ADAMTS2: variants seen among roughly 807,000 people sequenced by gnomAD.
ADAMTS2 encodes ADAM metallopeptidase with thrombospondin type 1 motif 2, also known as A disintegrin and metalloproteinase with thrombospondin motifs 2.
Under a neutral mutation model 123.0 loss-of-function variants are expected in ADAMTS2, and 50 were observed. The ratio of observed to expected loss-of-function variants is 0.41; its 90% CI spans 0.32 to 0.51. The LOEUF (loss-of-function observed/expected upper bound fraction) is 0.51, where lower values mean the gene tolerates loss of function less well. Among genes scored for constraint, ADAMTS2 ranks in the 20% least tolerant of loss-of-function variants. ADAMTS2 has a pLI of 0.35. For synonymous variants in ADAMTS2, 678 were observed against 695.4 expected (o/e 0.98, Z 0.39); for missense variants, 1,494 against 1,705.2 (o/e 0.88, Z 2.18).
intron 5 of ADAMTS2, among the ~76,000 whole-genome samples, chr5:179,168,170 G>A (rs952896744): frequency 3.9e-5 from 6 of 152,148 alleles, no homozygotes. Context: ...GCAGGATGTT[G>A]AGCACACCCC....
rs188526639 is a variant in ADAMTS2, at chr5:179,128,793, C to G, written c.2458-675G>C. Among the ~76,000 whole-genome samples the G allele has an allele frequency of 2.0e-5, 3 of 152,198 alleles. No homozygotes were observed. The highest frequency in any genetic ancestry group is 7.2e-5 in the African/African-American group (3 of 41,450). ...CACTGCAGCCCATGCCTGAACGAAG[C>G]TTATTCAACACATGTATTTTCTTCT... On this transcript the variant is annotated intron_variant, in intron 16 of 21. Coordinates refer to ENST00000251582, the MANE Select transcript of ADAMTS2 (RefSeq NM_014244.5). This position sits in a 1 kb window ranked among gnomAD's most constrained non-coding sequence, Gnocchi z 4.9.
intron 2 of ADAMTS2, among the ~76,000 whole-genome samples, chr5:179,290,025 G>T (rs1027578374): frequency 6.6e-6 from 1 of 152,238 alleles, no homozygotes; most frequent in Non-Finnish European, 1.5e-5. Flanking sequence ...TGAGTCGGAA[G>T]ACTGACAAAA....
At chr5:179,292,816 G>C (rs1055062677) in intron 2 of ADAMTS2, among the ~76,000 whole-genome samples, 2 of 152,182 alleles carry the variant, frequency 1.3e-5, no homozygotes, top group Non-Finnish European at 2.9e-5. Flanking sequence ...TGCCCAGACG[G>C]CTTCCTGAGG....
chr5:179,339,419 C>G (rs1757707719), intron 2 of ADAMTS2, among the ~76,000 whole-genome samples: 1 of 152,204 alleles, frequency 6.6e-6, no homozygotes, highest in Non-Finnish European at 1.5e-5. Flanking sequence ...TGCTCTGAGC[C>G]CCTGGATTCA....
chr5:179,319,466 GAC>G (rs1317671067), intron 2 of ADAMTS2, among the ~76,000 whole-genome samples: 3 of 151,780 alleles, frequency 2.0e-5, no homozygotes, highest in Admixed American at 2.0e-4. Context: ...ACACATGCAT[GAC>G]ACTCATGCAC....
rs993125728 is a variant in ADAMTS2 at position 179,130,120 on chromosome 5, C to G, written c.2291-22G>C. On this transcript the variant is annotated intron_variant, in intron 15 of 21. Coordinates refer to ENST00000251582, the MANE Select transcript of ADAMTS2 (RefSeq NM_014244.5). The surrounding 1 kb of genome is among the most constrained non-coding windows in gnomAD (Gnocchi z 4.3). ...ACGGCTGAGAATGGCAAGACCAAGT[C>G]CCCCGTTGTGGTCACCCAAGAGCAG... 12 of 1,613,556 alleles carry G rather than the reference C, an allele frequency of 7.4e-6. No individual in the cohort carries two copies. Among genetic ancestry groups the G allele is most frequent in the African/African-American group, 1.3e-5 (1 of 74,940 alleles).
chr5:179,205,174 C>A (rs1048162621), intron 4 of ADAMTS2, among the ~76,000 whole-genome samples: 1 of 152,196 alleles, frequency 6.6e-6, no homozygotes, highest in Non-Finnish European at 1.5e-5. Context: ...GCTGTTGTGA[C>A]AGAGAGACCC....
chr5:179,306,517 A>C (rs1756677433), intron 2 of ADAMTS2, among the ~76,000 whole-genome samples: 1 of 152,198 alleles, frequency 6.6e-6, no homozygotes, highest in Non-Finnish European at 1.5e-5. Context: ...GCATCCTGAG[A>C]AACTGTTTTC....
At chr5:179,192,541 G>A (rs1436207390) in intron 4 of ADAMTS2, among the ~76,000 whole-genome samples, 3 of 152,346 alleles carry the variant, frequency 2.0e-5, no homozygotes, top group East Asian at 3.9e-4. Flanking sequence ...AGGAAACCCA[G>A]AACCAAAGGA....
chr5:179,292,012 G>C (rs957615727), intron 2 of ADAMTS2, among the ~76,000 whole-genome samples: 2 of 152,028 alleles, frequency 1.3e-5, no homozygotes, highest in African/African-American at 2.4e-5. Flanking sequence ...CCAAAATGCT[G>C]GGATTACAGA....
At chr5:179,143,303 A>G (rs1364674438) in intron 10 of ADAMTS2, among the ~76,000 whole-genome samples, 1 of 152,150 alleles carries the variant, frequency 6.6e-6, no homozygotes, top group East Asian at 1.9e-4. Context: ...GCATGGTGGT[A>G]CAACCTGTGA....
At position 179,155,765 on chromosome 5, in the gene ADAMTS2, T is replaced by G. The variant is rs1210598412; in HGVS notation, c.1133-846A>C. 2.0e-5 allele frequency among the ~76,000 whole-genome samples: 3 copies of G among 152,078 alleles called. No homozygotes were observed. The highest frequency in any genetic ancestry group is 3.9e-4 in the East Asian group (2 of 5,164). On this transcript the variant is annotated intron_variant, in intron 6 of 21. Coordinates refer to ENST00000251582, the MANE Select transcript of ADAMTS2 (RefSeq NM_014244.5). This position sits in a 1 kb window ranked among gnomAD's most constrained non-coding sequence, Gnocchi z 5.1. ...ATGGGTGCCACACGAGGTCTCTGCT[T>G]GTACCCCTGGGAGTCTTCCTAGAGG...
chr5:179,204,775 C>T (rs1443084371), intron 4 of ADAMTS2, among the ~76,000 whole-genome samples: 2 of 152,222 alleles, frequency 1.3e-5, no homozygotes, highest in African/African-American at 4.8e-5. Flanking sequence ...GGGCTCAGAT[C>T]AGAGGCAGAG....
intron 3 of ADAMTS2, among the ~76,000 whole-genome samples, chr5:179,230,408 C>G (rs1765381808): frequency 1.3e-5 from 2 of 152,034 alleles, no homozygotes; most frequent in Non-Finnish European, 1.5e-5. Flanking sequence ...GTCTGGTGGT[C>G]ACTTATGCGC....
rs1021619930 is a variant in ADAMTS2 at position 179,285,219 on chromosome 5, T to C, written c.535-12155A>G. 1.3e-5 allele frequency among the ~76,000 whole-genome samples: 2 copies of C among 152,054 alleles called. No homozygotes were observed. The highest frequency in any genetic ancestry group is 4.8e-5 in the African/African-American group (2 of 41,392). Reference sequence around the variant, plus strand: ...TCACTTTTTATTAATATTTTCTGTATTTTTTTTGTTTTACATTTTTACAAA... The same window carrying C: ...TCACTTTTTATTAATATTTTCTGTACTTTTTTTGTTTTACATTTTTACAAA... On this transcript the variant is annotated intron_variant, in intron 2 of 21. Transcript: ENST00000251582. The surrounding 1 kb of genome is among the most constrained non-coding windows in gnomAD (Gnocchi z 4.9).
In ADAMTS2 at chr5:179,125,097, G is replaced by A. The variant is rs200309353; in HGVS notation, c.2834C>T (p.Pro945Leu). ...MQVRSVRCIQ[P>L]LHDNTTRSVH... ...GGAGCGGGTGGTGTTGTCGTGTAGC[G>A]GCTGAATGCAGCGCACGGAGCGCAC... is the stretch of plus-strand genomic sequence containing the variant. The change falls in exon 19 of 22, where the codon CCG becomes CTG. Residue 945 changes from proline to leucine, a missense_variant. Pro to Leu is a moderately conservative substitution (Grantham distance 98, BLOSUM62 -3). Coordinates refer to ENST00000251582, the MANE Select transcript of ADAMTS2 (RefSeq NM_014244.5). 115 of 1,612,814 alleles carry A rather than the reference G, an allele frequency of 7.1e-5. No individual in the cohort carries two copies. The Middle Eastern group carries it at 2.1e-3, about 30-fold the overall frequency.
intron 5 of ADAMTS2, among the ~76,000 whole-genome samples, chr5:179,168,740 C>A (rs1235778426): frequency 6.6e-6 from 1 of 152,152 alleles, no homozygotes; most frequent in African/African-American, 2.4e-5. Flanking sequence ...AAGGTCCCAC[C>A]ATCCCTGCTC....
intron 2 of ADAMTS2, among the ~76,000 whole-genome samples, chr5:179,330,042 C>T (rs1010828835): frequency 1.3e-5 from 2 of 148,404 alleles, no homozygotes; most frequent in African/African-American, 2.5e-5. Flanking sequence ...AGGAGAATGG[C>T]GTGAACCCGG....
intron 2 of ADAMTS2, among the ~76,000 whole-genome samples, chr5:179,300,385 T>G (rs752103139): frequency 6.6e-6 from 1 of 152,270 alleles, no homozygotes; most frequent in Non-Finnish European, 1.5e-5. Context: ...CCATATGTTT[T>G]GTATGTTCAA....
Sources: gnomAD v4.1 joint callset for allele counts (sites outside exome capture counted in the v4.1 genomes callset) on GRCh38, gnomAD v4.1.1 for gene constraint, Gnocchi (gnomAD v3.1) non-coding constraint, MANE v1.5 for transcripts, NCBI Gene and HGNC (gene_info 2026-07-23, HGNC 2026-07-21) for gene names.